RALGAPB: variants seen among roughly 807,000 people sequenced by gnomAD.
RALGAPB encodes ral GTPase-activating protein subunit beta.
RALGAPB carries 25 observed loss-of-function variants against 161.1 expected under a neutral mutation model. That is an observed-to-expected ratio of 0.16 (90% CI 0.11 to 0.22). The LOEUF is 0.22. Ranked by LOEUF, RALGAPB falls within the 10% of genes least tolerant of loss-of-function variation. RALGAPB has a pLI of 1.00. For missense variants in RALGAPB, 1,391 were observed against 1,815.2 expected (o/e 0.77, Z 4.25); for synonymous variants, 629 against 626.1 (o/e 1.00, Z -0.07).
intron 23 of RALGAPB, among the ~76,000 whole-genome samples, chr20:38,559,779 A>G (rs1271238338): frequency 6.6e-6 from 1 of 152,234 alleles, no homozygotes; most frequent in Non-Finnish European, 1.5e-5. Flanking sequence ...AGAAAAATGT[A>G]AGATAGGTGA....
chr20:38,498,146 T>C (rs1568914027), intron 4 of RALGAPB, among the ~76,000 whole-genome samples: 1 of 151,882 alleles, frequency 6.6e-6, no homozygotes, highest in Non-Finnish European at 1.5e-5. Context: ...AAAGTAGTTA[T>C]CAAAGTAGAG....
At chr20:38,543,195 C>T (rs2087031967) in intron 18 of RALGAPB, among the ~76,000 whole-genome samples, 1 of 152,188 alleles carries the variant, frequency 6.6e-6, no homozygotes, top group African/African-American at 2.4e-5. Context: ...CATCATGAAA[C>T]GTGTCTCTAA....
intron 13 of RALGAPB, among the ~76,000 whole-genome samples, chr20:38,529,517 C>CAA (rs60868083): frequency 4.9e-5 from 6 of 122,366 alleles, no homozygotes; most frequent in Admixed American, 4.3e-4. Flanking sequence ...AACTCCGTCT[C>CAA]AAAAAAAAAA....
intron 10 of RALGAPB, among the ~76,000 whole-genome samples, chr20:38,522,629 G>C (rs2086324843): frequency 6.6e-6 from 1 of 152,148 alleles, no homozygotes; most frequent in Non-Finnish European, 1.5e-5. Flanking sequence ...ATACTTGCTA[G>C]GTTCTCAGGA....
At chr20:38,549,599 C>T (rs1249378792) in intron 20 of RALGAPB, among the ~76,000 whole-genome samples, 1 of 149,666 alleles carries the variant, frequency 6.7e-6, no homozygotes, top group African/African-American at 2.5e-5. Context: ...CACACACACA[C>T]ACATATGTAT....
At position 38,563,211 on chromosome 20, in the gene RALGAPB, A is replaced by G. The variant is rs181378258; in HGVS notation, c.3697+514A>G. 3.3e-5 allele frequency among the ~76,000 whole-genome samples: 5 copies of G among 152,372 alleles called. No individual in the cohort carries two copies. In the East Asian group the frequency reaches 7.7e-4, roughly 23 times the overall value. On this transcript the variant is annotated intron_variant, in intron 24 of 29. Transcript: ENST00000262879. ...ACACATAATGATAGAGTTAATACAA[A>G]ATGACTGGCTTATTACAATGCTGAT...
Position 38,483,413 on chromosome 20 carries a change from A to G in RALGAPB, c.-30-4990A>G, listed in dbSNP as rs75906511. Among the ~76,000 whole-genome samples the G allele has an allele frequency of 4.7e-3, 721 of 152,322 alleles. 5 individuals are homozygous for G. The highest frequency in any genetic ancestry group is 0.017 in the African/African-American group (696 of 41,576). On this transcript the variant is annotated intron_variant, in intron 1 of 29. Transcript: ENST00000262879. ...TATATAGAATTAATATGTCCTAATT[A>G]TGAAATTTTCCCATTATTGATGGAA...
chr20:38,528,106 A>G (rs1198311549), intron 13 of RALGAPB, among the ~76,000 whole-genome samples: 4 of 152,156 alleles, frequency 2.6e-5, no homozygotes, highest in Admixed American at 1.3e-4. Context: ...CTGTGACTTT[A>G]TTTTGTAATT....
At chr20:38,553,796 A>C (rs2087473633) in intron 21 of RALGAPB, 71 bp from the exon 22 acceptor site, 2 of 905,062 alleles carry the variant, frequency 2.2e-6, no homozygotes, top group African/African-American at 1.7e-5. Context: ...AAAAAAAAAA[A>C]AAAAACACTT....
At chr20:38,524,299 AAC>A (rs2086390196) in intron 10 of RALGAPB, among the ~76,000 whole-genome samples, 1 of 152,180 alleles carries the variant, frequency 6.6e-6, no homozygotes. Flanking sequence ...CAAAAATGTA[AAC>A]ACACCTTTTT....
chr20:38,536,438 T>C (rs1246212947), intron 16 of RALGAPB, among the ~76,000 whole-genome samples: 1 of 152,232 alleles, frequency 6.6e-6, no homozygotes, highest in Non-Finnish European at 1.5e-5. Context: ...TGAACATGTA[T>C]GTACATGTAT....
intron 24 of RALGAPB, among the ~76,000 whole-genome samples, chr20:38,563,927 A>G (rs1329608416): frequency 6.6e-6 from 1 of 152,142 alleles, no homozygotes; most frequent in Non-Finnish European, 1.5e-5. Context: ...TTCACATACC[A>G]CAGCAGCCTG....
intron 14 of RALGAPB, 98 bp downstream of exon 14, chr20:38,531,329 T>G: frequency 2.2e-5 from 22 of 1,010,652 alleles, no homozygotes; most frequent in Non-Finnish European, 2.7e-5. Context: ...TAAAGGCCTT[T>G]GGTTTGTAAA....
At chr20:38,497,966 G>A (rs1286174745) in intron 4 of RALGAPB, among the ~76,000 whole-genome samples, 2 of 151,920 alleles carry the variant, frequency 1.3e-5, no homozygotes, top group East Asian at 1.9e-4. Context: ...CTACTCAGGA[G>A]GCTGAGGCAG....
chr20:38,480,273 C>T (rs2084927160), intron 1 of RALGAPB, among the ~76,000 whole-genome samples: 1 of 150,912 alleles, frequency 6.6e-6, no homozygotes, highest in Admixed American at 6.6e-5. Context: ...TTACCACCTT[C>T]TACATATAGC....
At chr20:38,513,035 C>T (rs1341465638) in intron 6 of RALGAPB, among the ~76,000 whole-genome samples, 2 of 151,428 alleles carry the variant, frequency 1.3e-5, no homozygotes, top group Non-Finnish European at 2.9e-5. Context: ...GCTAGGATTA[C>T]AGGCTTGAGC....
intron 18 of RALGAPB, among the ~76,000 whole-genome samples, chr20:38,542,702 C>T (rs1191642599): frequency 6.6e-6 from 1 of 151,946 alleles, no homozygotes; most frequent in Non-Finnish European, 1.5e-5. Flanking sequence ...TGGTGAAACC[C>T]CACCTCTACT....
intron 1 of RALGAPB, among the ~76,000 whole-genome samples, chr20:38,480,528 A>G (rs928890774): frequency 1.3e-5 from 2 of 150,866 alleles, no homozygotes; most frequent in African/African-American, 4.9e-5. Context: ...CTGGGATTAC[A>G]GGCGCACGCC....
chr20:38,534,592 A>G (rs1320855155), intron 15 of RALGAPB, among the ~76,000 whole-genome samples: 1 of 152,192 alleles, frequency 6.6e-6, no homozygotes, highest in African/African-American at 2.4e-5. Context: ...GTATGTTTGA[A>G]AAGGCATTGC....
Sources: gnomAD v4.1 joint callset for allele counts (sites outside exome capture counted in the v4.1 genomes callset) on GRCh38, gnomAD v4.1.1 for gene constraint, MANE v1.5 for transcripts, NCBI Gene and HGNC (gene_info 2026-07-23, HGNC 2026-07-21) for gene names.